The following TFDP2 variants were observed in gnomAD, a reference collection of about 807,000 sequenced individuals.
TFDP2 encodes transcription factor Dp-2.
In TFDP2, 17 loss-of-function variants were observed where a neutral mutation model predicts 59.3. The observed-to-expected ratio is 0.29, with a 90% CI of 0.20 to 0.43. TFDP2 has a LOEUF of 0.43. Among genes scored for constraint, TFDP2 ranks in the 20% least tolerant of loss-of-function variants. The pLI is 1.00. For synonymous variants in TFDP2, 180 were observed against 194.7 expected, an observed-to-expected ratio of 0.92 and a Z score of 0.63; for missense variants, 391 against 528.8, an observed-to-expected ratio of 0.74 and a Z score of 2.56.
chr3:142,108,647 T>G (rs944193877), intron 1 of TFDP2, among the ~76,000 whole-genome samples: 2 of 152,226 alleles, frequency 1.3e-5, no homozygotes, highest in African/African-American at 4.8e-5. Context: ...GTGATTTATT[T>G]GACTAGCCTC....
chr3:142,093,048 C>G lies in TFDP2; in HGVS notation c.82+13G>C. On this transcript the variant is annotated intron_variant, in intron 3 of 12. Transcript: ENST00000489671. ...TAACTTAATTCAGAAAAATTTTATTCAATAATCCTTACCTTTTGTTGGACT... is the reference window on the plus strand; with the variant it reads ...TAACTTAATTCAGAAAAATTTTATTGAATAATCCTTACCTTTTGTTGGACT... 2 of 1,519,742 alleles carry G rather than the reference C, an allele frequency of 1.3e-6. No individual in the cohort carries two copies. The highest frequency in any genetic ancestry group is 1.8e-6 in the Non-Finnish European group (2 of 1,139,140). The allele number at this position is 1,519,742 out of a possible 1,614,324, so 94.1% of individuals were successfully genotyped here. A position where few individuals can be genotyped will look rare whatever the true frequency, so the allele number is the denominator to read the frequency against.
At chr3:142,078,846 C>T (rs2060548115) in intron 3 of TFDP2, among the ~76,000 whole-genome samples, 1 of 152,024 alleles carries the variant, frequency 6.6e-6, no homozygotes, top group Non-Finnish European at 1.5e-5. Flanking sequence ...AGGTATGTGA[C>T]CTTTCAGACA....
At chr3:142,090,167 CAT>C (rs2060952078) in intron 3 of TFDP2, among the ~76,000 whole-genome samples, 1 of 152,100 alleles carries the variant, frequency 6.6e-6, no homozygotes, top group Non-Finnish European at 1.5e-5. Context: ...TCTTTTAAAA[CAT>C]ATAATTATTT....
intron 3 of TFDP2, among the ~76,000 whole-genome samples, chr3:142,081,351 T>C (rs1051963112): frequency 6.6e-6 from 1 of 151,890 alleles, no homozygotes; most frequent in African/African-American, 2.4e-5. Flanking sequence ...AAGAGGGAAG[T>C]TGATGGTATA....
chr3:141,964,469 T>C (rs1039616523), intron 9 of TFDP2, among the ~76,000 whole-genome samples: 3 of 152,090 alleles, frequency 2.0e-5, no homozygotes, highest in Non-Finnish European at 4.4e-5. Context: ...CTGGGCAACA[T>C]GGCAAAACCC....
intron 4 of TFDP2, among the ~76,000 whole-genome samples, chr3:141,995,558 G>C (rs1004310847): frequency 2.6e-5 from 4 of 152,110 alleles, no homozygotes; most frequent in East Asian, 1.9e-4. Context: ...ATCCAGCTTG[G>C]ATTATTATAT....
intron 3 of TFDP2, among the ~76,000 whole-genome samples, chr3:142,027,788 T>G (rs538323031): frequency 2.0e-5 from 3 of 152,282 alleles, no homozygotes; most frequent in Admixed American, 2.0e-4. Flanking sequence ...AGGGGTAAGA[T>G]TTTCTTCACA....
intron 1 of TFDP2, among the ~76,000 whole-genome samples, chr3:142,103,546 G>A (rs1164771298): frequency 6.6e-6 from 1 of 152,084 alleles, no homozygotes; most frequent in African/African-American, 2.4e-5. Context: ...ATTTAGGAGT[G>A]GAGGGGTATA....
intron 3 of TFDP2, among the ~76,000 whole-genome samples, chr3:142,077,258 A>G (rs1277859715): frequency 6.6e-6 from 1 of 152,162 alleles, no homozygotes; most frequent in Non-Finnish European, 1.5e-5. Flanking sequence ...CTAGGCCAAA[A>G]AGACTACAAC....
intron 1 of TFDP2, among the ~76,000 whole-genome samples, chr3:142,128,633 C>T (rs1209298342): frequency 2.0e-5 from 3 of 148,284 alleles, no homozygotes; most frequent in East Asian, 3.9e-4. Context: ...ACAGGAGACA[C>T]CAAATTAACA....
intron 9 of TFDP2, 66 bp downstream of exon 9, chr3:141,970,007 C>A: frequency 6.7e-7 from 1 of 1,492,672 alleles, no homozygotes; most frequent in Non-Finnish European, 9.4e-7. Context: ...TTAGAAAACA[C>A]ACTGACTCCA....
At chr3:142,016,751 T>C (rs546086678) in intron 3 of TFDP2, among the ~76,000 whole-genome samples, 1 of 152,366 alleles carries the variant, frequency 6.6e-6, no homozygotes, top group Non-Finnish European at 1.5e-5. Context: ...GATTACATTA[T>C]ACTAGGAAAC....
At chr3:142,042,630 CTTTTTTT>C (rs66981475) in intron 3 of TFDP2, among the ~76,000 whole-genome samples, 6 of 108,222 alleles carry the variant, frequency 5.5e-5, no homozygotes, top group African/African-American at 2.0e-4. Context: ...CTTTTCTTTT[CTTTTTTT>C]TTTTTTTTTT....
chr3:141,987,467 G>A (rs1942227496), intron 6 of TFDP2, among the ~76,000 whole-genome samples: 2 of 151,426 alleles, frequency 1.3e-5, no homozygotes, highest in Non-Finnish European at 2.9e-5. Flanking sequence ...ATTTTTAGTA[G>A]AGACTGGGTT....
chr3:142,110,350 A>C (rs920657954), intron 1 of TFDP2, among the ~76,000 whole-genome samples: 1 of 152,154 alleles, frequency 6.6e-6, no homozygotes, highest in Admixed American at 6.5e-5. Context: ...CTAAAAATAC[A>C]AAAATTAGCC....
At position 142,121,516 on chromosome 3, in the gene TFDP2, A is replaced by G. The variant is rs1189858713; in HGVS notation, c.-92-19675T>C. Among the ~76,000 whole-genome samples, 2 of 152,214 alleles carry G rather than the reference A, an allele frequency of 1.3e-5. No homozygotes were observed. Among genetic ancestry groups the G allele is most frequent in the Admixed American group, 6.5e-5 (1 of 15,284 alleles). On this transcript the variant is annotated intron_variant, in intron 1 of 12. Coordinates refer to ENST00000489671, the MANE Select transcript of TFDP2 (RefSeq NM_001178139.2). This position sits in a 1 kb window ranked among gnomAD's most constrained non-coding sequence, Gnocchi z 4.3. ...TTAAGAACTATGAGATGAAAATGCC[A>G]TCAAACTAGAAGAGTTAACACAGAA...
At position 142,010,517 on chromosome 3, in the gene TFDP2, G is replaced by A. The variant is rs575268631; in HGVS notation, c.83-4973C>T. Among the ~76,000 whole-genome samples, 5 of 150,378 alleles carry A rather than the reference G, an allele frequency of 3.3e-5. No homozygotes were observed. In the South Asian group the frequency reaches 8.4e-4, roughly 25 times the overall value. The stretch of plus-strand genomic sequence containing the variant: ...CCAGCTACTTGGGGGGCTGAGGCAG[G>A]AGAATCGCTTGAACCCGGGAGGCAG... On this transcript the variant is annotated intron_variant, in intron 3 of 12. Transcript: ENST00000489671.
intron 9 of TFDP2, among the ~76,000 whole-genome samples, chr3:141,965,174 GA>G (rs2107919710): frequency 6.7e-6 from 1 of 150,064 alleles, no homozygotes; most frequent in African/African-American, 2.5e-5. Flanking sequence ...TCAAGAAACA[GA>G]TAACGTTTTA....
chr3:141,980,903 T>C (rs1373619548), intron 6 of TFDP2, among the ~76,000 whole-genome samples: 1 of 152,234 alleles, frequency 6.6e-6, no homozygotes, highest in Non-Finnish European at 1.5e-5. Flanking sequence ...TTAAAAAGTT[T>C]ATAAAGTAAA....
Sources: allele counts gnomAD v4.1 joint callset (sites outside exome capture counted in the v4.1 genomes callset), GRCh38; gene constraint gnomAD v4.1.1; non-coding constraint Gnocchi (gnomAD v3.1); transcripts MANE v1.5; gene names NCBI Gene and HGNC (gene_info 2026-07-23, HGNC 2026-07-21).